HCN1: variants seen among roughly 807,000 people sequenced by gnomAD.
HCN1 encodes the protein hyperpolarization activated cyclic nucleotide gated potassium channel 1, also known as potassium/sodium hyperpolarization-activated cyclic nucleotide-gated channel 1.
HCN1 carries 13 observed loss-of-function variants against 78.9 expected under a neutral mutation model. The observed-to-expected ratio is 0.16, with a 90% CI of 0.11 to 0.26. The LOEUF (loss-of-function observed/expected upper bound fraction) is 0.26, where lower values mean the gene tolerates loss of function less well. Among genes scored for constraint, HCN1 ranks in the 10% least tolerant of loss-of-function variants. HCN1 has a pLI of 1.00. For missense variants in HCN1, 810 were observed against 1,154.3 expected (o/e 0.70, Z 4.32); for synonymous variants, 552 against 455.5 (o/e 1.21, Z -2.70).
At chr5:45,585,315 C>G (rs1157508336) in intron 2 of HCN1, among the ~76,000 whole-genome samples, 1 of 152,156 alleles carries the variant, frequency 6.6e-6, no homozygotes, top group Non-Finnish European at 1.5e-5. Context: ...TCCAGTTCAT[C>G]AAATCGGCTA....
chr5:45,653,567 G>A (rs766382458), intron 1 of HCN1, among the ~76,000 whole-genome samples: 42 of 151,686 alleles, frequency 2.8e-4, no homozygotes, highest in African/African-American at 4.4e-4. Flanking sequence ...TAGTATCTGC[G>A]TTAATGATTT....
intron 4 of HCN1, among the ~76,000 whole-genome samples, chr5:45,359,973 T>C (rs1210001888): frequency 6.6e-6 from 1 of 150,774 alleles, no homozygotes; most frequent in African/African-American, 2.4e-5. Flanking sequence ...TTTTTACCTT[T>C]CAGTTTTTCA....
intron 1 of HCN1, among the ~76,000 whole-genome samples, chr5:45,647,423 C>T (rs1299915183): frequency 6.6e-6 from 1 of 152,072 alleles, no homozygotes; most frequent in African/African-American, 2.4e-5. Context: ...CTGGGCACTC[C>T]TATCAAGTCC....
chr5:45,547,592 C>T (rs925046969), intron 2 of HCN1, among the ~76,000 whole-genome samples: 4 of 151,820 alleles, frequency 2.6e-5, no homozygotes, highest in Non-Finnish European at 4.4e-5. Flanking sequence ...TAACAGTTTA[C>T]GTTCTGAGCC....
intron 2 of HCN1, among the ~76,000 whole-genome samples, chr5:45,524,075 A>C (rs961176180): frequency 3.3e-5 from 5 of 152,214 alleles, no homozygotes; most frequent in Non-Finnish European, 7.3e-5. Flanking sequence ...AGCTTTCTAT[A>C]CATGGCTAGC....
Position 45,322,575 on chromosome 5 carries a change from C to T in HCN1, c.1378-18736G>A, listed in dbSNP as rs139544873. ...GGGATTCAACTCTGAACATGAGATT[C>T]ATTTATGTTTCATATATACTTCAAA... On this transcript the variant is annotated intron_variant, in intron 5 of 7. Coordinates refer to ENST00000303230, the MANE Select transcript of HCN1 (RefSeq NM_021072.4). Among the ~76,000 whole-genome samples, 439 of 151,850 alleles carry T rather than the reference C, an allele frequency of 2.9e-3. 1 individual carries two copies. The highest frequency in any genetic ancestry group is 0.01 in the African/African-American group (418 of 41,462).
intron 2 of HCN1, among the ~76,000 whole-genome samples, chr5:45,483,908 G>T (rs867082443): frequency 3.3e-5 from 5 of 152,110 alleles, no homozygotes; most frequent in Non-Finnish European, 7.4e-5. Context: ...TGTTGGCCTT[G>T]TTGAAAATCA....
intron 3 of HCN1, among the ~76,000 whole-genome samples, chr5:45,446,167 A>G (rs1160413322): frequency 1.3e-5 from 2 of 152,212 alleles, no homozygotes; most frequent in East Asian, 3.8e-4. Context: ...GTATAACTAG[A>G]ATAACCAATA....
At chr5:45,416,639 T>C (rs916553316) in intron 3 of HCN1, among the ~76,000 whole-genome samples, 10 of 152,104 alleles carry the variant, frequency 6.6e-5, no homozygotes, top group African/African-American at 2.2e-4. Flanking sequence ...TACACAGTAC[T>C]ATATATATGC....
intron 1 of HCN1, among the ~76,000 whole-genome samples, chr5:45,658,777 A>G (rs1275842479): frequency 1.3e-5 from 2 of 152,038 alleles, no homozygotes; most frequent in African/African-American, 2.4e-5. Context: ...ACGAGACTAT[A>G]TCCCACACTT....
chr5:45,303,131 T>A (rs1250721136), intron 6 of HCN1, among the ~76,000 whole-genome samples: 1 of 152,136 alleles, frequency 6.6e-6, no homozygotes. Context: ...TGGGCAATCA[T>A]ATGTGAATAG....
chr5:45,520,499 C>T (rs1372106100), intron 2 of HCN1, among the ~76,000 whole-genome samples: 3 of 151,972 alleles, frequency 2.0e-5, no homozygotes, highest in Non-Finnish European at 4.4e-5. Context: ...TTGTTATCCA[C>T]CTAGTGCCAG....
chr5:45,433,161 G>A (rs886877398), intron 3 of HCN1, among the ~76,000 whole-genome samples: 1 of 151,966 alleles, frequency 6.6e-6, no homozygotes, highest in African/African-American at 2.4e-5. Flanking sequence ...CATATCAGAT[G>A]GACACGTTTG....
chr5:45,347,825 A>G (rs1162847530), intron 5 of HCN1, among the ~76,000 whole-genome samples: 1 of 152,168 alleles, frequency 6.6e-6, no homozygotes, highest in Non-Finnish European at 1.5e-5. Flanking sequence ...AAAAAGAAGA[A>G]AAGGAAACAA....
intron 1 of HCN1, among the ~76,000 whole-genome samples, chr5:45,661,465 T>A: frequency 7.4e-6 from 1 of 135,544 alleles, no homozygotes; most frequent in East Asian, 2.2e-4. Context: ...AGAGCAGAAC[T>A]GAAGGAAATA....
Position 45,681,032 on chromosome 5 carries a change from T to C in HCN1, c.425+14637A>G, listed in dbSNP as rs867222519. ...AGTTTTTCCAGGCTCTTCAGATACA[T>C]TGCCTGCCCAAGAACTGGGATCACA... On this transcript the variant is annotated intron_variant, in intron 1 of 7. Coordinates refer to ENST00000303230, the MANE Select transcript of HCN1 (RefSeq NM_021072.4). Among the ~76,000 whole-genome samples the C allele has an allele frequency of 5.3e-5, 8 of 152,250 alleles. No homozygotes were observed. In the South Asian group the frequency reaches 6.2e-4, roughly 12 times the overall value.
intron 5 of HCN1, among the ~76,000 whole-genome samples, chr5:45,349,291 T>A (rs1346627030): frequency 6.6e-6 from 1 of 151,982 alleles, no homozygotes; most frequent in Non-Finnish European, 1.5e-5. Flanking sequence ...CATAACGAAA[T>A]GAAGGCAGAA....
chr5:45,461,075 A>G (rs1741144435), intron 3 of HCN1, among the ~76,000 whole-genome samples: 1 of 152,008 alleles, frequency 6.6e-6, no homozygotes, highest in African/African-American at 2.4e-5. Context: ...AAAATATGGG[A>G]ACTTATACAA....
At chr5:45,482,712 C>G (rs1237178373) in intron 2 of HCN1, among the ~76,000 whole-genome samples, 1 of 152,066 alleles carries the variant, frequency 6.6e-6, no homozygotes, top group African/African-American at 2.4e-5. Context: ...TCCCGTCACC[C>G]AGGTAGTGAG....
Sources: gnomAD v4.1 joint callset for allele counts (sites outside exome capture counted in the v4.1 genomes callset) on GRCh38, gnomAD v4.1.1 for gene constraint, MANE v1.5 for transcripts, NCBI Gene and HGNC (gene_info 2026-07-23, HGNC 2026-07-21) for gene names.